Variants in SPATA6 observed in about 807,000 individuals in gnomAD.
SPATA6 encodes spermatogenesis associated 6, also known as spermatogenesis-associated protein 6.
SPATA6 carries 56 observed loss-of-function variants against 65.3 expected under a neutral mutation model. That is an observed-to-expected ratio of 0.86 (90% confidence interval 0.69 to 1.07). The LOEUF is 1.07. Among genes scored for constraint, SPATA6 ranks in the 50% least tolerant of loss-of-function variants. The pLI, the probability that SPATA6 is intolerant of heterozygous loss-of-function variation, is 0.00. For missense variants in SPATA6, 590 were observed against 594.8 expected (o/e 0.99, Z 0.08); for synonymous variants, 199 against 213.2 (o/e 0.93, Z 0.58).
intron 12 of SPATA6, among the ~76,000 whole-genome samples, chr1:48,303,211 G>A (rs1435411245): frequency 6.6e-6 from 1 of 152,100 alleles, no homozygotes; most frequent in Non-Finnish European, 1.5e-5. Context: ...CATACAATGT[G>A]TAGTGAATCA....
At chr1:48,299,756 C>T (rs1569972733) in intron 12 of SPATA6, among the ~76,000 whole-genome samples, 1 of 152,028 alleles carries the variant, frequency 6.6e-6, no homozygotes, top group Non-Finnish European at 1.5e-5. Context: ...TTTTACAACA[C>T]ATAGAAGTTG....
At chr1:48,322,188 G>T (rs797005181) in intron 11 of SPATA6, among the ~76,000 whole-genome samples, 3 of 152,038 alleles carry the variant, frequency 2.0e-5, no homozygotes, top group Admixed American at 1.3e-4. Flanking sequence ...CCAAAGAGAA[G>T]AAATAAATAA....
At chr1:48,402,391 GA>G (rs200750670) in intron 6 of SPATA6, among the ~76,000 whole-genome samples, 1 of 151,180 alleles carries the variant, frequency 6.6e-6, no homozygotes, top group African/African-American at 2.4e-5. Flanking sequence ...CCAGCGTGAA[GA>G]AAAAAAAACT....
intron 12 of SPATA6, among the ~76,000 whole-genome samples, chr1:48,300,016 G>GGA (rs150641436): frequency 7.3e-5 from 11 of 151,192 alleles, no homozygotes; most frequent in East Asian, 3.9e-4. Flanking sequence ...AAAGAAGGTG[G>GGA]GAGAGAGAGA....
intron 9 of SPATA6, among the ~76,000 whole-genome samples, chr1:48,373,044 C>T (rs1213407329): frequency 6.6e-6 from 1 of 152,166 alleles, no homozygotes; most frequent in African/African-American, 2.4e-5. Context: ...TCCCTGTGGT[C>T]TTGGGGATTA....
the SPATA6 span, among the ~76,000 whole-genome samples, chr1:48,278,499 A>C: frequency 6.6e-6 from 1 of 152,230 alleles, no homozygotes; most frequent in Non-Finnish European, 1.5e-5. Flanking sequence ...GAGCTGATGG[A>C]GCTGAAAGCC....
chr1:48,435,317 C>T (rs2016537), intron 3 of SPATA6, among the ~76,000 whole-genome samples: 47,022 of 151,596 alleles, frequency 0.31, 8,895 homozygotes, highest in Middle Eastern at 0.43. Context: ...CACCAATCAG[C>T]GCTGTGTCTA....
chr1:48,279,408 T>C, the SPATA6 span, among the ~76,000 whole-genome samples: 7 of 152,056 alleles, frequency 4.6e-5, no homozygotes, highest in Admixed American at 1.3e-4. Context: ...AGAGTCAAGA[T>C]CCATCAGTGT....
At chr1:48,369,366 C>T (rs1450212009) in intron 9 of SPATA6, among the ~76,000 whole-genome samples, 3 of 152,204 alleles carry the variant, frequency 2.0e-5, no homozygotes, top group Non-Finnish European at 4.4e-5. Flanking sequence ...TTGTCTGTGC[C>T]CTGCCCCCAG....
chr1:48,401,338 A>T (rs1651142533), intron 6 of SPATA6, among the ~76,000 whole-genome samples: 1 of 152,116 alleles, frequency 6.6e-6, no homozygotes, highest in Non-Finnish European at 1.5e-5. Context: ...TCTTTATTAA[A>T]GCTTTTAATA....
At chr1:48,268,304 ATGTGTGTGTGTGTG>A in the SPATA6 span, among the ~76,000 whole-genome samples, 5 of 149,220 alleles carry the variant, frequency 3.4e-5, no homozygotes, top group Admixed American at 2.7e-4. Context: ...AAATAAAAAT[ATGTGTGTGTGTGTG>A]TGTGTGTGTG....
At chr1:48,378,374 A>G (rs970559281) in intron 9 of SPATA6, among the ~76,000 whole-genome samples, 1 of 152,210 alleles carries the variant, frequency 6.6e-6, no homozygotes, top group Non-Finnish European at 1.5e-5. Flanking sequence ...TTCCAAGCTT[A>G]TATCTCTAGG....
At chr1:48,325,398 G>T in intron 11 of SPATA6, 1 of 1,376,164 alleles carries the variant, frequency 7.3e-7, no homozygotes, top group South Asian at 1.2e-5. Context: ...CAGGCCCAAG[G>T]AGCCAGGGCC....
chr1:48,396,467 T>C (rs1438861476), intron 7 of SPATA6, among the ~76,000 whole-genome samples: 1 of 151,720 alleles, frequency 6.6e-6, no homozygotes, highest in Non-Finnish European at 1.5e-5. Flanking sequence ...CTGTACACAC[T>C]GTGACACAGC....
chr1:48,280,603 G>A, the SPATA6 span, among the ~76,000 whole-genome samples: 9 of 152,044 alleles, frequency 5.9e-5, no homozygotes, highest in Admixed American at 5.2e-4. Flanking sequence ...TAAATTCCTC[G>A]ACACATACAC....
At chr1:48,469,857 G>A (rs974690578) in intron 1 of SPATA6, among the ~76,000 whole-genome samples, 1 of 151,856 alleles carries the variant, frequency 6.6e-6, no homozygotes, top group African/African-American at 2.4e-5. Flanking sequence ...CTGAGCATCA[G>A]AGCCATTTTA....
intron 3 of SPATA6, among the ~76,000 whole-genome samples, chr1:48,416,053 A>C (rs1652752237): frequency 6.6e-6 from 1 of 152,036 alleles, no homozygotes; most frequent in African/African-American, 2.4e-5. Flanking sequence ...AAATACAAAA[A>C]TTAGCTGGGC....
the SPATA6 span, among the ~76,000 whole-genome samples, chr1:48,269,918 G>A: frequency 1.3e-5 from 2 of 151,664 alleles, no homozygotes; most frequent in Non-Finnish European, 2.9e-5. Flanking sequence ...AATTAGTGAA[G>A]AGTTATTTTC....
the SPATA6 span, among the ~76,000 whole-genome samples, chr1:48,278,753 ACT>A: frequency 3.9e-5 from 6 of 152,180 alleles, no homozygotes; most frequent in East Asian, 9.6e-4. Flanking sequence ...GTTGGAAAAC[ACT>A]CTGCAGGATA....
Sources: allele counts gnomAD v4.1 joint callset (sites outside exome capture counted in the v4.1 genomes callset), GRCh38; gene constraint gnomAD v4.1.1; transcripts MANE v1.5; gene names NCBI Gene and HGNC (gene_info 2026-07-23, HGNC 2026-07-21).